GALNS: variants seen among roughly 807,000 people sequenced by gnomAD.
GALNS encodes N-acetylgalactosamine-6-sulfatase.
In GALNS, 65 loss-of-function variants were observed where a neutral mutation model predicts 65.9. The observed-to-expected ratio is 0.99, with a 90% CI of 0.81 to 1.21. The LOEUF (loss-of-function observed/expected upper bound fraction) is 1.21, where lower values mean the gene tolerates loss of function less well. GALNS is among the 50% of genes most tolerant of loss of function. The pLI is 0.00. For missense variants in GALNS, 776 were observed against 700.7 expected (o/e 1.11, Z -1.21); for synonymous variants, 346 against 288.9 (o/e 1.20, Z -2.00).
chr16:88,843,457 G>A (rs987700359), intron 1 of GALNS: 7 of 348,864 alleles, frequency 2.0e-5, no homozygotes, highest in Middle Eastern at 1.0e-3. Flanking sequence ...GACAAAGTGC[G>A]GCCGGCGTGT....
At chr16:88,836,453 A>C (rs1425782778) in intron 5 of GALNS, among the ~76,000 whole-genome samples, 186 bp from the exon 6 acceptor site, 1 of 152,188 alleles carries the variant, frequency 6.6e-6, no homozygotes, top group Non-Finnish European at 1.5e-5. Flanking sequence ...CAGGAATTTG[A>C]GACCAGCCTG....
intron 11 of GALNS, among the ~76,000 whole-genome samples, chr16:88,823,806 C>T (rs1910511832): frequency 6.7e-6 from 1 of 148,594 alleles, no homozygotes; most frequent in South Asian, 2.2e-4. Context: ...CCAGGACGGC[C>T]CTCGCAGGCG....
intron 9 of GALNS, among the ~76,000 whole-genome samples, chr16:88,828,498 C>T (rs1911156140): frequency 6.6e-6 from 1 of 152,246 alleles, no homozygotes; most frequent in Admixed American, 6.5e-5. Flanking sequence ...ACTGTCGGGA[C>T]AGACGTCAGG....
chr16:88,815,926 CCCT>C, intron 13 of GALNS: 1 of 985,454 alleles, frequency 1.0e-6, no homozygotes, highest in Non-Finnish European at 1.2e-6. Flanking sequence ...TGGCCACACT[CCCT>C]CTCCTCTGTG....
At chr16:88,815,935 C>A in intron 13 of GALNS, 2 of 985,450 alleles carry the variant, frequency 2.0e-6, no homozygotes, top group African/African-American at 3.5e-5. Context: ...TCCCTCTCCT[C>A]TGTGCCAGAG....
intron 9 of GALNS, 163 bp from the exon 10 acceptor site, chr16:88,827,001 G>T: frequency 1.2e-6 from 1 of 844,560 alleles, no homozygotes; most frequent in Non-Finnish European, 1.9e-6. Context: ...CACAAGGCCT[G>T]TGAGAGACAG....
chr16:88,820,234 T>C (rs907668006), intron 12 of GALNS, among the ~76,000 whole-genome samples: 46 of 152,212 alleles, frequency 3.0e-4, no homozygotes, highest in African/African-American at 9.6e-4. Context: ...GTTCAAGCAA[T>C]TCTCCCGCCT....
chr16:88,856,823 CG>C lies in GALNS; in HGVS notation c.54del (p.Ser18ArgfsTer111). The C allele has an allele frequency of 6.5e-7, 1 of 1,529,768 alleles. No individual in the cohort carries two copies. The highest frequency in any genetic ancestry group is 8.7e-7 in the Non-Finnish European group (1 of 1,148,170). 94.8% of individuals were successfully genotyped at this position (1,529,768 alleles called of 1,614,324 possible). ...TRWWQLLLVL[S>X]AAGMGASGAP... ...GCGCCCGAGGCCCCCATCCCCGCGG[CG>C]CTGAGCACCAGCAACAGCTGCCACC... On this transcript the variant is annotated frameshift_variant, in exon 1 of 14. Transcript: ENST00000268695. LOFTEE classifies it high-confidence loss of function.
chr16:88,835,543 C>A (rs1157816276), intron 7 of GALNS, among the ~76,000 whole-genome samples, 182 bp downstream of exon 7: 1 of 152,188 alleles, frequency 6.6e-6, no homozygotes, highest in African/African-American at 2.4e-5. Flanking sequence ...AAGGACAGAG[C>A]CAGCACCCCC....
At chr16:88,839,252 G>A (rs962588330) in intron 4 of GALNS, among the ~76,000 whole-genome samples, 17 of 146,370 alleles carry the variant, frequency 1.2e-4, no homozygotes, top group Admixed American at 3.4e-4. Flanking sequence ...GCCCACGTCC[G>A]CAGGTCACCG....
At chr16:88,856,499 G>C (rs1489741979) in intron 1 of GALNS, 1 of 698,700 alleles carries the variant, frequency 1.4e-6, no homozygotes, top group South Asian at 1.5e-5. Context: ...GGCAGCGCGT[G>C]TGGTGATCGG....
At chr16:88,819,834 C>T (rs1476878443) in intron 12 of GALNS, among the ~76,000 whole-genome samples, 9 of 151,918 alleles carry the variant, frequency 5.9e-5, no homozygotes, top group African/African-American at 1.7e-4. Context: ...GCTGGGAGTA[C>T]AGGCGCCCGC....
rs1283377907 is a variant in GALNS, at chr16:88,842,829, T to C, written c.121A>G (p.Met41Val). 6.2e-7 allele frequency: 1 copy of C among 1,613,206 alleles called. No homozygotes were observed. The highest frequency in any genetic ancestry group is 8.5e-7 in the Non-Finnish European group (1 of 1,179,916). The stretch of plus-strand genomic sequence containing the variant: ...TACACCCCGAGGTCACCCCATCCCA[T>C]CTGCAGGGAAGAGCACGGGGAGGAG... ...PNILLLLMDD[M>V]GWGDLGVYGE... Residue 41 changes from methionine (M) to valine (V), a missense_variant and splice_region_variant, in exon 2 of 14, where the codon ATG becomes GTG. Met to Val is a conservative substitution (Grantham distance 21, BLOSUM62 1). Coordinates refer to ENST00000268695, the MANE Select transcript of GALNS (RefSeq NM_000512.5).
chr16:88,841,077 T>C lies in GALNS; in HGVS notation c.337A>G (p.Ile113Val). Residue 113 changes from isoleucine to valine, a missense_variant, in exon 4 of 14, where the codon ATT becomes GTT. Ile to Val is a conservative substitution (Grantham distance 29). Coordinates refer to ENST00000268695, the MANE Select transcript of GALNS (RefSeq NM_000512.5). ...TCCGAGTCTGGGATGCCGCCCACAATCTCCTGCGGTGTGTAGGCTGGAAGA... is the reference window on the plus strand; with the variant it reads ...TCCGAGTCTGGGATGCCGCCCACAACCTCCTGCGGTGTGTAGGCTGGAAGA... Reference protein sequence around the residue: ...HARNAYTPQEIVGGIPDSEQL... With the variant: ...HARNAYTPQEVVGGIPDSEQL... 11 of 1,612,774 alleles carry C rather than the reference T, an allele frequency of 6.8e-6. No individual in the cohort carries two copies. Among genetic ancestry groups the C allele is most frequent in the Non-Finnish European group, 9.3e-6 (11 of 1,179,866 alleles).
At chr16:88,821,307 C>T (rs1487995530) in intron 12 of GALNS, among the ~76,000 whole-genome samples, 5 of 150,796 alleles carry the variant, frequency 3.3e-5, no homozygotes, top group Non-Finnish European at 7.4e-5. Context: ...GTCCCCGTCT[C>T]GTCCCGTGGC....
chr16:88,822,533 T>C lies in GALNS; in HGVS notation c.1364+56A>G, dbSNP rs1256580348. On this transcript the variant is annotated intron_variant, in intron 12 of 13. Transcript: ENST00000268695. ...GGCTCTGTCCCTGTGGAGCCTGCATTTGGGGGAGTCCGGCTGGCACTGCCT... is the reference window on the plus strand; with the variant it reads ...GGCTCTGTCCCTGTGGAGCCTGCATCTGGGGGAGTCCGGCTGGCACTGCCT... 2.5e-6 allele frequency: 4 copies of C among 1,606,604 alleles called. No homozygotes were observed. The African/African-American group carries it at 4.0e-5, about 16-fold the overall frequency.
At chr16:88,854,899 G>A (rs879804046) in intron 1 of GALNS, among the ~76,000 whole-genome samples, 18 of 152,342 alleles carry the variant, frequency 1.2e-4, no homozygotes, top group South Asian at 4.1e-4. Context: ...GGGTTCTTTA[G>A]GCGTCAGCTG....
chr16:88,838,319 G>GCAGCTGTACCCACATCCCCA (rs1912357199), intron 4 of GALNS, among the ~76,000 whole-genome samples: 1 of 152,162 alleles, frequency 6.6e-6, no homozygotes, highest in African/African-American at 2.4e-5. Context: ...GGGAGCCCCG[G>GCAGCTGTACCCACATCCCCA]GGCCTGCCAG....
chr16:88,833,170 C>T (rs923804926), intron 8 of GALNS, among the ~76,000 whole-genome samples: 2 of 151,998 alleles, frequency 1.3e-5, no homozygotes, highest in African/African-American at 2.4e-5. Flanking sequence ...CTCCTTCCTG[C>T]GCTGCCATCC....
Sources: allele counts gnomAD v4.1 joint callset (sites outside exome capture counted in the v4.1 genomes callset), GRCh38; gene constraint gnomAD v4.1.1; transcripts MANE v1.5; gene names NCBI Gene and HGNC (gene_info 2026-07-23, HGNC 2026-07-21).